The following FER variants were observed in gnomAD, a reference collection of about 807,000 sequenced individuals.
The protein encoded by FER is FER tyrosine kinase.
A neutral mutation model predicts 111.0 loss-of-function variants in FER; 63 were observed. That is an observed-to-expected ratio of 0.57 (90% confidence interval 0.46 to 0.70). The LOEUF (loss-of-function observed/expected upper bound fraction) is 0.70, where lower values mean the gene tolerates loss of function less well. Ranked by LOEUF, FER falls within the 30% of genes least tolerant of loss-of-function variation. FER has a pLI of 0.00. For synonymous variants in FER, 327 were observed against 313.9 expected (o/e 1.04, Z -0.44); for missense variants, 914 against 954.0 (o/e 0.96, Z 0.55).
At chr5:109,135,029 C>T (rs914240619) in intron 17 of FER, among the ~76,000 whole-genome samples, 8 of 152,048 alleles carry the variant, frequency 5.3e-5, no homozygotes, top group Non-Finnish European at 1.2e-4. Context: ...TCAAGAAAAG[C>T]ATTGCTGAAT....
intron 10 of FER, among the ~76,000 whole-genome samples, chr5:108,910,185 A>C (rs1751346598): frequency 6.6e-6 from 1 of 152,192 alleles, no homozygotes; most frequent in Non-Finnish European, 1.5e-5. Context: ...GATATTTAAA[A>C]ACTTTTCAAG....
chr5:108,801,285 A>G (rs1409106641), intron 3 of FER, among the ~76,000 whole-genome samples: 2 of 152,204 alleles, frequency 1.3e-5, no homozygotes, highest in Admixed American at 6.5e-5. Flanking sequence ...TTGCCTTTGC[A>G]TCTTTGTTTA....
intron 13 of FER, among the ~76,000 whole-genome samples, chr5:109,005,399 A>G (rs891566956): frequency 1.3e-5 from 2 of 151,826 alleles, no homozygotes; most frequent in Non-Finnish European, 2.9e-5. Flanking sequence ...ATTTCTCTGT[A>G]TGTGTTTATT....
At chr5:108,785,352 C>T (rs932912242) in intron 2 of FER, 10 of 578,118 alleles carry the variant, frequency 1.7e-5, no homozygotes, top group Non-Finnish European at 2.4e-5. Context: ...TGGCTCTGTG[C>T]TGCCATGGGC....
chr5:108,819,164 C>T (rs1758574236), intron 3 of FER, among the ~76,000 whole-genome samples: 1 of 150,300 alleles, frequency 6.7e-6, no homozygotes, highest in South Asian at 2.1e-4. Context: ...TGCAGGTGTG[C>T]ACCACCATGC....
chr5:109,127,615 C>T (rs1235338839), intron 17 of FER, among the ~76,000 whole-genome samples: 1 of 152,006 alleles, frequency 6.6e-6, no homozygotes, highest in Non-Finnish European at 1.5e-5. Flanking sequence ...CCATGTTGGC[C>T]AGGATGATCT....
At chr5:108,764,439 C>A (rs937568695) in intron 1 of FER, among the ~76,000 whole-genome samples, 1 of 151,580 alleles carries the variant, frequency 6.6e-6, no homozygotes, top group African/African-American at 2.4e-5. Context: ...CTCTTGTTGC[C>A]CAGACTGCAG....
chr5:109,112,567 C>A (rs1275860365), intron 17 of FER, among the ~76,000 whole-genome samples: 1 of 152,124 alleles, frequency 6.6e-6, no homozygotes, highest in Non-Finnish European at 1.5e-5. Flanking sequence ...TTGGCTGCAC[C>A]TCTCTCACTC....
At position 109,001,209 on chromosome 5, in the gene FER, T is replaced by C. The variant is rs147033922; in HGVS notation, c.1657-36213T>C. Among the ~76,000 whole-genome samples the C allele has an allele frequency of 8.4e-3, 1,274 of 152,324 alleles. 18 individuals are homozygous for C. Among genetic ancestry groups the C allele is most frequent in the African/African-American group, 0.029 (1,208 of 41,564 alleles). On this transcript the variant is annotated intron_variant, in intron 13 of 19. Coordinates refer to ENST00000281092, the MANE Select transcript of FER (RefSeq NM_005246.4). ...GAGAATTTTAGACCAATACCCTTGA[T>C]GAACATTTGATGGGAAAATTCTCAA...
chr5:108,846,586 T>A lies in FER; in HGVS notation c.481+10779T>A, dbSNP rs547052319. ...TTATTCACCTTTTTATTTATATATT[T>A]TTTATTTATTTATTTTGAGACAGTC... On this transcript the variant is annotated intron_variant, in intron 5 of 19. Coordinates refer to ENST00000281092, the MANE Select transcript of FER (RefSeq NM_005246.4). 5.3e-5 allele frequency among the ~76,000 whole-genome samples: 8 copies of A among 152,096 alleles called. No homozygotes were observed. In the South Asian group the frequency reaches 6.2e-4, roughly 12 times the overall value.
chr5:109,102,699 A>G (rs529336328), intron 17 of FER, among the ~76,000 whole-genome samples: 34 of 152,046 alleles, frequency 2.2e-4, no homozygotes, highest in African/African-American at 8.0e-4. Flanking sequence ...TCCTTTGTTA[A>G]TCTTGAGTGC....
At chr5:109,014,824 A>G (rs1766828402) in intron 13 of FER, 1 of 152,228 alleles carries the variant, frequency 6.6e-6, no homozygotes, top group African/African-American at 2.4e-5. Context: ...ATTCCTAGGT[A>G]TTTTATTCTA....
At chr5:108,774,670 T>G (rs1753294108) in intron 2 of FER, among the ~76,000 whole-genome samples, 1 of 152,176 alleles carries the variant, frequency 6.6e-6, no homozygotes. Context: ...CTTTTTTTCA[T>G]GTTTGTTGGC....
At chr5:108,870,682 A>G (rs1409058253) in intron 6 of FER, among the ~76,000 whole-genome samples, 1 of 152,146 alleles carries the variant, frequency 6.6e-6, no homozygotes, top group African/African-American at 2.4e-5. Context: ...TTATTTCAGC[A>G]TATGCAGGAT....
intron 13 of FER, among the ~76,000 whole-genome samples, chr5:108,973,273 C>A (rs1231365577): frequency 6.6e-6 from 1 of 152,122 alleles, no homozygotes; most frequent in East Asian, 1.9e-4. Flanking sequence ...GCTACCTTGT[C>A]CTTCAAGGGA....
At chr5:109,186,735 C>CT (rs1758915436) in intron 19 of FER, among the ~76,000 whole-genome samples, 1 of 152,148 alleles carries the variant, frequency 6.6e-6, no homozygotes, top group African/African-American at 2.4e-5. Flanking sequence ...TCTGAAGAAA[C>CT]CCTTTGGGGT....
intron 1 of FER, among the ~76,000 whole-genome samples, chr5:108,755,447 G>T (rs1388440696): frequency 6.6e-6 from 1 of 152,128 alleles, no homozygotes; most frequent in Non-Finnish European, 1.5e-5. Context: ...ATTCTACAAA[G>T]AAAAGTGCAT....
intron 6 of FER, among the ~76,000 whole-genome samples, chr5:108,869,377 A>G (rs1200898177): frequency 6.6e-6 from 1 of 152,134 alleles, no homozygotes; most frequent in Admixed American, 6.6e-5. Flanking sequence ...CGTGAGAGGA[A>G]TGTAGTGATT....
chr5:109,127,357 TATA>T (rs1213663557), intron 17 of FER, among the ~76,000 whole-genome samples: 3 of 152,196 alleles, frequency 2.0e-5, no homozygotes, highest in Non-Finnish European at 4.4e-5. Flanking sequence ...TTAATGTTCA[TATA>T]ATATGTGCCT....
Sources: allele counts gnomAD v4.1 joint callset (sites outside exome capture counted in the v4.1 genomes callset), GRCh38; gene constraint gnomAD v4.1.1; transcripts MANE v1.5; gene names NCBI Gene and HGNC (gene_info 2026-07-23, HGNC 2026-07-21).